PPIE: variants seen among roughly 807,000 people sequenced by gnomAD.
The protein encoded by PPIE is peptidylprolyl isomerase E, also known as peptidyl-prolyl cis-trans isomerase E.
PPIE carries 20 observed loss-of-function variants against 38.4 expected under a neutral mutation model. That is an observed-to-expected ratio of 0.52 (90% CI 0.37 to 0.76). The LOEUF (loss-of-function observed/expected upper bound fraction) is 0.76. Ranked by LOEUF, PPIE falls within the 30% of genes least tolerant of loss-of-function variation. The probability of loss-of-function intolerance (pLI) is 0.00; values close to 1 mark genes in which losing one functional copy is unlikely to be tolerated. For synonymous variants in PPIE, 142 were observed against 135.7 expected (o/e 1.05, Z -0.32); for missense variants, 322 against 385.8 (o/e 0.83, Z 1.39).
At chr1:39,748,750 C>T in intron 7 of PPIE, 153 bp from the exon 8 acceptor site, 1 of 673,758 alleles carries the variant, frequency 1.5e-6, no homozygotes, top group Non-Finnish European at 2.5e-6. Flanking sequence ...AAAAAGAATC[C>T]CTTATAGTCC....
intron 3 of PPIE, 26 bp from the exon 4 acceptor site, chr1:39,741,869 C>T: frequency 6.2e-7 from 1 of 1,614,214 alleles, no homozygotes; most frequent in Non-Finnish European, 8.5e-7. Context: ...CAAGCCTAAA[C>T]TTGTACCTTT....
intron 8 of PPIE, among the ~76,000 whole-genome samples, chr1:39,751,936 G>GA (rs763647138): frequency 5.9e-4 from 89 of 152,066 alleles, no homozygotes; most frequent in Non-Finnish European, 1.1e-3. Context: ...TATATCTACT[G>GA]AAAAAAGAAT....
intron 9 of PPIE, among the ~76,000 whole-genome samples, chr1:39,762,889 G>C (rs1649197905): frequency 6.6e-6 from 1 of 152,244 alleles, no homozygotes; most frequent in African/African-American, 2.4e-5. Flanking sequence ...TCCGTGTTTG[G>C]GTGCGAGTCT....
chr1:39,759,511 T>C (rs1176121016), downstream of PPIE: 1 of 152,234 alleles, frequency 6.6e-6, no homozygotes, highest in Non-Finnish European at 1.5e-5. Context: ...AGAAAAACAT[T>C]CCAGATTGAT....
At chr1:39,751,880 G>A (rs928527420) in intron 8 of PPIE, among the ~76,000 whole-genome samples, 1 of 152,202 alleles carries the variant, frequency 6.6e-6, no homozygotes, top group African/African-American at 2.4e-5. Context: ...AGAGGATCAC[G>A]TGAGTTCAGG....
rs931742186 is a variant in PPIE at position 39,753,521 on chromosome 1, G to T, written c.*166G>T. 76 of 1,426,722 alleles carry T rather than the reference G, an allele frequency of 5.3e-5. No homozygotes were observed. The highest frequency in any genetic ancestry group is 2.7e-4 in the South Asian group (18 of 66,254). The allele number at this position is 1,426,722 out of a possible 1,614,324, so 88.4% of individuals were successfully genotyped here. A position where few individuals can be genotyped will look rare whatever the true frequency, so the allele number is the denominator to read the frequency against. On this transcript the variant is annotated 3_prime_UTR_variant, in exon 10 of 10. Coordinates refer to ENST00000324379, the MANE Select transcript of PPIE (RefSeq NM_006112.4). ...TTGGAGCAGCTCCTCTGCAGGCACA[G>T]CCTGGACTATTCCCAGGCACAGCTG...
chr1:39,745,789 A>G (rs2124323481), intron 7 of PPIE: 1 of 272,580 alleles, frequency 3.7e-6, no homozygotes, highest in East Asian at 7.1e-5. Context: ...ATTTAAGACA[A>G]TAAATTGAAA....
At chr1:39,760,420 C>A, downstream of PPIE, 1 of 1,613,654 alleles carries the variant, frequency 6.2e-7, no homozygotes, top group Non-Finnish European at 8.5e-7. Flanking sequence ...CGGGTGGACT[C>A]AGTGGCAGCC....
rs1337337568 is a variant in PPIE at position 39,755,065 on chromosome 1, C to G, written c.*1710C>G. The G allele has an allele frequency of 6.1e-6, 6 of 985,380 alleles. No homozygotes were observed. Among genetic ancestry groups the G allele is most frequent in the Admixed American group, 6.1e-5 (1 of 16,278 alleles). 61.0% of individuals were successfully genotyped at this position (985,380 alleles called of 1,614,324 possible). On this transcript the variant is annotated 3_prime_UTR_variant, in exon 10 of 10. Transcript: ENST00000324379. ...CCCCTGCTGAGCTCACAGTCTGGCT[C>G]TCCTGTGTGCAGCCACTTCTTGGAG...
At chr1:39,762,324 C>G (rs1649105050) in intron 9 of PPIE, 1 of 617,418 alleles carries the variant, frequency 1.6e-6, no homozygotes, top group Non-Finnish European at 2.6e-6. Context: ...ACAGGGTGAG[C>G]CACCGCACCT....
Position 39,745,434 on chromosome 1 carries a change from T to C in PPIE, c.444T>C (p.Ile148=), listed in dbSNP as rs1205398083. 1.2e-6 allele frequency: 2 copies of C among 1,614,230 alleles called. No homozygotes were observed. Among genetic ancestry groups the C allele is most frequent in the Non-Finnish European group, 8.5e-7 (1 of 1,180,036 alleles). ...SNPQVYMDIK[I]GNKPAGRIQM... ...CTCAGGTGTACATGGACATCAAGATTGGGAACAAGCCGGCTGGCCGCATCC... is the reference window on the plus strand; with the variant it reads ...CTCAGGTGTACATGGACATCAAGATCGGGAACAAGCCGGCTGGCCGCATCC... The change falls in exon 7 of 10, where the codon ATT becomes ATC. Residue 148 remains isoleucine, a synonymous_variant. Transcript: ENST00000324379.
At position 39,755,464 on chromosome 1, in the gene PPIE, T is replaced by C; in HGVS notation, c.*2109T>C. ...ACTACATGGTTACCCCTCACCCCTA[T>C]GGAGCTTCCAAAAGAGACCCTCCCT... On this transcript the variant is annotated 3_prime_UTR_variant, in exon 10 of 10. Coordinates refer to ENST00000324379, the MANE Select transcript of PPIE (RefSeq NM_006112.4). 1 of 985,406 alleles carries C rather than the reference T, an allele frequency of 1.0e-6. No individual in the cohort carries two copies. Among genetic ancestry groups the C allele is most frequent in the Non-Finnish European group, 1.2e-6 (1 of 829,918 alleles). The allele number at this position is 985,406 out of a possible 1,614,324, so 61.0% of individuals were successfully genotyped here.
chr1:39,755,304 C>G lies in PPIE; in HGVS notation c.*1949C>G. The G allele has an allele frequency of 1.0e-6, 1 of 985,446 alleles. No homozygotes were observed. The highest frequency in any genetic ancestry group is 1.7e-5 in the African/African-American group (1 of 57,378). 61.0% of individuals were successfully genotyped at this position (985,446 alleles called of 1,614,324 possible). A position where few individuals can be genotyped will look rare whatever the true frequency, so the allele number is the denominator to read the frequency against. On this transcript the variant is annotated 3_prime_UTR_variant, in exon 10 of 10. Coordinates refer to ENST00000324379, the MANE Select transcript of PPIE (RefSeq NM_006112.4). ...CAGGAGGCAGGAGAGGCTAGGTGGT[C>G]CTCATGACCCTAGGATAGCTCTTGC... is the stretch of plus-strand genomic sequence containing the variant.
chr1:39,750,254 G>T (rs965269378), intron 8 of PPIE, among the ~76,000 whole-genome samples: 1 of 152,118 alleles, frequency 6.6e-6, no homozygotes, highest in Non-Finnish European at 1.5e-5. Context: ...ACATGGTACA[G>T]ACTTGCTGCC....
intron 7 of PPIE, 56 bp from the exon 8 acceptor site, chr1:39,748,847 G>GT: frequency 1.3e-6 from 2 of 1,537,924 alleles, no homozygotes; most frequent in Non-Finnish European, 1.8e-6. Context: ...TTTTTTCGAG[G>GT]TTTTTTATTT....
At chr1:39,743,145 G>A in intron 4 of PPIE, 71 bp from the exon 5 acceptor site, 2 of 1,325,240 alleles carry the variant, frequency 1.5e-6, no homozygotes, top group Non-Finnish European at 1.1e-6. Flanking sequence ...TGTCTCAGAA[G>A]TATATGGAAA....
At position 39,753,167 on chromosome 1, in the gene PPIE, G is replaced by A. The variant is rs973033376; in HGVS notation, c.837+115G>A. ...GATGGCCAGGGGCTGTGTCCAGCGG[G>A]AGGGGCTGCTGCTGCCCAGGTTCCG... On this transcript the variant is annotated intron_variant, in intron 9 of 9. Coordinates refer to ENST00000324379, the MANE Select transcript of PPIE (RefSeq NM_006112.4). The A allele has an allele frequency of 1.6e-5, 25 of 1,587,248 alleles. No individual in the cohort carries two copies. The African/African-American group carries it at 1.6e-4, about 10-fold the overall frequency.
intron 5 of PPIE, 66 bp downstream of exon 5, chr1:39,743,363 T>C (rs1209337209): frequency 3.5e-6 from 5 of 1,434,220 alleles, no homozygotes; most frequent in Non-Finnish European, 3.9e-6. Context: ...GCATTTTTTG[T>C]CTCTATTTAC....
chr1:39,748,703 G>C (rs553057), intron 7 of PPIE, 200 bp from the exon 8 acceptor site: 279,861 of 555,766 alleles, frequency 0.5, 72,322 homozygotes, highest in South Asian at 0.54. Flanking sequence ...CCATTGCACT[G>C]CAGCATGGGC....
Sources: allele counts gnomAD v4.1 joint callset (sites outside exome capture counted in the v4.1 genomes callset), GRCh38; gene constraint gnomAD v4.1.1; transcripts MANE v1.5; gene names NCBI Gene and HGNC (gene_info 2026-07-23, HGNC 2026-07-21).